The following DNAH12 variants were observed in gnomAD, a reference collection of about 807,000 sequenced individuals.
The protein encoded by DNAH12 is dynein axonemal heavy chain 12, also known as axonemal beta dynein heavy chain 12.
A neutral mutation model predicts 371.5 loss-of-function variants in DNAH12; 285 were observed. The observed-to-expected ratio is 0.77, with a 90% confidence interval of 0.70 to 0.85. The LOEUF (loss-of-function observed/expected upper bound fraction) is 0.85. Ranked by LOEUF, DNAH12 falls within the 40% of genes least tolerant of loss-of-function variation. The pLI is 0.00. For synonymous variants in DNAH12, 1,200 were observed against 1,213.0 expected, an observed-to-expected ratio of 0.99 and a Z score of 0.22; for missense variants, 3,611 against 3,689.4, an observed-to-expected ratio of 0.98 and a Z score of 0.55.
At chr3:57,500,335 C>A (rs1233239177) in intron 11 of DNAH12, among the ~76,000 whole-genome samples, 2 of 152,148 alleles carry the variant, frequency 1.3e-5, no homozygotes, top group Non-Finnish European at 2.9e-5. Context: ...GCCACTGCAC[C>A]CAGCCCAGAA....
intron 36 of DNAH12, among the ~76,000 whole-genome samples, chr3:57,420,622 C>T (rs542079932): frequency 6.7e-6 from 1 of 148,472 alleles, no homozygotes; most frequent in South Asian, 2.2e-4. Flanking sequence ...AAAGAATATG[C>T]TTGTGGGCCG....
intron 39 of DNAH12, among the ~76,000 whole-genome samples, chr3:57,410,421 T>C (rs782453377): frequency 6.6e-5 from 10 of 152,168 alleles, no homozygotes; most frequent in Non-Finnish European, 1.3e-4. Context: ...GATTAAATAT[T>C]GTGTGTGTTC....
chr3:57,541,367 T>C (rs1378957408), intron 2 of DNAH12, among the ~76,000 whole-genome samples: 1 of 152,056 alleles, frequency 6.6e-6, no homozygotes, highest in Non-Finnish European at 1.5e-5. Flanking sequence ...ACTATTTTTG[T>C]CTGCTTGTTT....
At chr3:57,333,467 A>G (rs989973144) in intron 62 of DNAH12, among the ~76,000 whole-genome samples, 1 of 151,464 alleles carries the variant, frequency 6.6e-6, no homozygotes, top group Non-Finnish European at 1.5e-5. Context: ...AATAGCTGGG[A>G]CTACAGGCAT....
At chr3:57,360,731 G>C (rs1336507582) in intron 58 of DNAH12, among the ~76,000 whole-genome samples, 4 of 152,072 alleles carry the variant, frequency 2.6e-5, no homozygotes, top group African/African-American at 7.2e-5. Context: ...CCAGAGCAAG[G>C]GTGCATTGTG....
intron 13 of DNAH12, among the ~76,000 whole-genome samples, chr3:57,479,556 C>G (rs1199313735): frequency 6.6e-6 from 1 of 152,188 alleles, no homozygotes; most frequent in Non-Finnish European, 1.5e-5. Flanking sequence ...GAACTCAACT[C>G]TGCACCAAGC....
intron 41 of DNAH12, 83 bp downstream of exon 41, chr3:57,405,570 T>A: frequency 7.3e-7 from 1 of 1,376,332 alleles, no homozygotes; most frequent in Non-Finnish European, 9.7e-7. Flanking sequence ...CATTAAGAAA[T>A]GATTTTTAAA....
intron 34 of DNAH12, among the ~76,000 whole-genome samples, chr3:57,425,629 T>C (rs10222393): frequency 0.32 from 48,095 of 152,056 alleles, 8,166 homozygotes; most frequent in South Asian, 0.44. Context: ...AAAACATTTC[T>C]CAAATATTTT....
intron 58 of DNAH12, among the ~76,000 whole-genome samples, chr3:57,359,547 G>A (rs1416713293): frequency 0.11 from 10,213 of 92,008 alleles, 1,259 homozygotes; most frequent in African/African-American, 0.33. Flanking sequence ...CAACAAGAGC[G>A]AAACTCCATC....
At chr3:57,508,865 A>C (rs1410614060) in intron 6 of DNAH12, among the ~76,000 whole-genome samples, 4 of 152,174 alleles carry the variant, frequency 2.6e-5, no homozygotes, top group Non-Finnish European at 5.9e-5. Flanking sequence ...TTTAGGACTA[A>C]AGAAAAGCGC....
intron 18 of DNAH12, among the ~76,000 whole-genome samples, chr3:57,462,488 G>A (rs1230286784): frequency 6.6e-6 from 1 of 151,992 alleles, no homozygotes; most frequent in Non-Finnish European, 1.5e-5. Flanking sequence ...CTGACCTCAG[G>A]TGATCCACAT....
intron 71 of DNAH12, 112 bp from the exon 72 acceptor site, chr3:57,296,547 G>T: frequency 1.2e-6 from 1 of 850,266 alleles, no homozygotes; most frequent in Non-Finnish European, 1.8e-6. Context: ...TTGTATAATA[G>T]CTTGTTAAAC....
chr3:57,446,470 A>T, intron 26 of DNAH12, 67 bp downstream of exon 26: 1 of 1,469,994 alleles, frequency 6.8e-7, no homozygotes, highest in South Asian at 1.4e-5. Context: ...GTTTGCTTCC[A>T]TTTATCCAAT....
intron 2 of DNAH12, among the ~76,000 whole-genome samples, chr3:57,538,862 A>T (rs1559764222): frequency 6.6e-6 from 1 of 152,148 alleles, no homozygotes; most frequent in Non-Finnish European, 1.5e-5. Flanking sequence ...TTATATATCC[A>T]ACTGCTATTA....
chr3:57,519,942 C>A (rs923006169), intron 4 of DNAH12: 10 of 893,366 alleles, frequency 1.1e-5, no homozygotes, highest in Admixed American at 3.6e-5. Context: ...CGCCTCCCGA[C>A]TTGGAGCCTG....
rs1481754431 is a variant in DNAH12, at chr3:57,433,380, T to C, written c.4967A>G (p.Asp1656Gly). The part of the protein sequence containing the change: ...LWIESMNTVL[D>G]DNKKLCLMSG... ...ATCATGATTTACCTTTTTATTATCA[T>C]CCAATACTGTGTTCATGCTCTCTAT... Residue 1656 changes from aspartate to glycine, a missense_variant, in exon 32 of 74, where the codon GAT (aspartate) becomes GGT (glycine). Around this residue, in one of 3 missense-constraint regions of DNAH12, gnomAD observed 2,266 missense variants for 2,236.9 expected, o/e 1.01. Coordinates refer to ENST00000495027, the MANE Select transcript of DNAH12 (RefSeq NM_001366028.2). 29 of 1,550,696 alleles carry C rather than the reference T, an allele frequency of 1.9e-5. No homozygotes were observed. The highest frequency in any genetic ancestry group is 2.5e-5 in the Non-Finnish European group (29 of 1,146,758).
intron 32 of DNAH12, 148 bp downstream of exon 32, chr3:57,433,219 C>T: frequency 1.0e-6 from 1 of 957,948 alleles, no homozygotes; most frequent in Non-Finnish European, 1.4e-6. Context: ...TAGCAGTTTT[C>T]ATTGAAAAGA....
At chr3:57,362,576 G>T (rs1345032337) in intron 58 of DNAH12, among the ~76,000 whole-genome samples, 3 of 152,134 alleles carry the variant, frequency 2.0e-5, no homozygotes, top group Admixed American at 1.3e-4. Flanking sequence ...GTGTGAGATG[G>T]TATCTCATTG....
At chr3:57,478,456 C>T (rs979074367) in intron 13 of DNAH12, among the ~76,000 whole-genome samples, 1 of 152,040 alleles carries the variant, frequency 6.6e-6, no homozygotes, top group Non-Finnish European at 1.5e-5. Context: ...GATTGGTGTA[C>T]CTGAAAGTGA....
Sources: gnomAD v4.1 joint callset for allele counts (sites outside exome capture counted in the v4.1 genomes callset) on GRCh38, gnomAD v4.1.1 for gene constraint, gnomAD v4.1.1 regional missense constraint, MANE v1.5 for transcripts, NCBI Gene and HGNC (gene_info 2026-07-23, HGNC 2026-07-21) for gene names.